Variants in ALG1 observed in about 807,000 individuals in gnomAD.
ALG1 encodes the protein ALG1 chitobiosyldiphosphodolichol beta-mannosyltransferase.
In ALG1, 58 loss-of-function variants were observed where a neutral mutation model predicts 55.1. The ratio of observed to expected loss-of-function variants is 1.05; its 90% CI spans 0.85 to 1.31. The LOEUF is 1.31. Among genes scored for constraint, ALG1 ranks in the 50% most tolerant of loss-of-function variants. The pLI is 0.00. For missense variants in ALG1, 761 were observed against 598.6 expected, an observed-to-expected ratio of 1.27 and a Z score of -2.83; for synonymous variants, 309 against 247.0, an observed-to-expected ratio of 1.25 and a Z score of -2.35.
At position 5,077,972 on chromosome 16, in the gene ALG1, G is replaced by T; in HGVS notation, c.695G>T (p.Arg232Leu). 6.2e-7 allele frequency: 1 copy of T among 1,603,586 alleles called. No individual in the cohort carries two copies. The change falls in exon 6 of 13, where the codon CGG (arginine) becomes CTG (leucine). Residue 232 changes from arginine (R) to leucine (L), a missense_variant. Transcript: ENST00000262374. ...GAGACACCTCTGGACCTGCAGCACC[G>T]GCTCTTCATGAAGCTGGGCAGCATG... ...FKETPLDLQH[R>L]LFMKLGSMHS... is the part of the protein sequence containing the mutation.
chr16:5,076,427 T>A (rs1385283558), intron 4 of ALG1, among the ~76,000 whole-genome samples: 2 of 152,226 alleles, frequency 1.3e-5, no homozygotes, highest in Non-Finnish European at 2.9e-5. Context: ...CTGTTCAATC[T>A]CTATGCACCT....
At chr16:5,080,670 G>T (rs1327081755) in intron 9 of ALG1, among the ~76,000 whole-genome samples, 2 of 152,192 alleles carry the variant, frequency 1.3e-5, no homozygotes, top group Non-Finnish European at 2.9e-5. Context: ...GTGGGCGGTC[G>T]GGTGCCAGGC....
chr16:5,082,173 G>C (rs1957027253), intron 10 of ALG1, among the ~76,000 whole-genome samples: 3 of 152,094 alleles, frequency 2.0e-5, no homozygotes, highest in African/African-American at 7.2e-5. Flanking sequence ...TTGAACTCCT[G>C]ACCTCAGGTG....
intron 9 of ALG1, among the ~76,000 whole-genome samples, chr16:5,080,018 A>C (rs1344069656): frequency 1.3e-5 from 2 of 150,494 alleles, no homozygotes; most frequent in African/African-American, 4.9e-5. Context: ...CAAGCTTTCT[A>C]CTTTTTCAGT....
intron 12 of ALG1, chr16:5,084,508 C>A: frequency 4.5e-6 from 3 of 663,218 alleles, no homozygotes; most frequent in Non-Finnish European, 7.8e-6. Flanking sequence ...ACGTAGAGGC[C>A]GGGAGGTGCT....
In ALG1 at chr16:5,073,013, C is replaced by T. The variant is rs1357171265; in HGVS notation, c.271C>T (p.Leu91Phe). The T allele has an allele frequency of 6.2e-7, 1 of 1,614,176 alleles. No homozygotes were observed. Among genetic ancestry groups the T allele is most frequent in the Non-Finnish European group, 8.5e-7 (1 of 1,180,022 alleles). ...AATTCAGATTGTGGGGTTGACAGAACTTCAGAGTCTTGCAGGTAGGATGCC... is the reference window on the plus strand; with the variant it reads ...AATTCAGATTGTGGGGTTGACAGAATTTCAGAGTCTTGCAGGTAGGATGCC... ...NRIQIVGLTE[L>F]QSLAVGPRVF... is the part of the protein sequence containing the mutation. The change falls in exon 2 of 13, where the codon CTT (leucine) becomes TTT (phenylalanine). Residue 91 changes from leucine to phenylalanine, a missense_variant. Physicochemically the swap from Leu to Phe is conservative, Grantham distance 22 (BLOSUM62 0). Coordinates refer to ENST00000262374, the MANE Select transcript of ALG1 (RefSeq NM_019109.5).
intron 10 of ALG1, 57 bp from the exon 11 acceptor site, chr16:5,082,502 G>C: frequency 1.3e-6 from 2 of 1,564,114 alleles, no homozygotes; most frequent in South Asian, 2.2e-5. Flanking sequence ...TGTGCTGGGA[G>C]GATTTGTGTT....
chr16:5,073,150 C>T lies in ALG1; in HGVS notation c.287-3C>T. 6.2e-7 allele frequency: 1 copy of T among 1,614,134 alleles called. No homozygotes were observed. Among genetic ancestry groups the T allele is most frequent in the Non-Finnish European group, 8.5e-7 (1 of 1,179,988 alleles). On this transcript the variant is annotated splice_region_variant and splice_polypyrimidine_tract_variant and intron_variant, in intron 2 of 12. Coordinates refer to ENST00000262374, the MANE Select transcript of ALG1 (RefSeq NM_019109.5). ...GTAGTCACAGGTGTTTTCTGACTTG[C>T]AGTTGGGCCCCGAGTTTTCCAGTAC...
chr16:5,078,403 A>G, intron 6 of ALG1: 2 of 583,946 alleles, frequency 3.4e-6, no homozygotes, highest in Non-Finnish European at 6.4e-6. Context: ...TCATGGGGCT[A>G]AGGAGGGGAC....
intron 5 of ALG1, 28 bp downstream of exon 5, chr16:5,077,562 T>A: frequency 6.2e-7 from 1 of 1,611,476 alleles, no homozygotes; most frequent in Non-Finnish European, 8.5e-7. Flanking sequence ...GACGGCGGCC[T>A]GGGAGAGGCG....
At chr16:5,074,455 C>T (rs1380772960) in intron 3 of ALG1, among the ~76,000 whole-genome samples, 1 of 152,172 alleles carries the variant, frequency 6.6e-6, no homozygotes, top group South Asian at 2.1e-4. Flanking sequence ...CCACACCTTC[C>T]TCTTTTAATA....
At chr16:5,084,452 G>A (rs1463875999) in intron 12 of ALG1, 7 of 558,342 alleles carry the variant, frequency 1.3e-5, no homozygotes, top group Middle Eastern at 4.9e-4. Flanking sequence ...GTGAGACTGC[G>A]TTGGCCAGAG....
intron 3 of ALG1, among the ~76,000 whole-genome samples, chr16:5,075,042 T>G (rs1956883826): frequency 6.6e-6 from 1 of 152,162 alleles, no homozygotes; most frequent in Non-Finnish European, 1.5e-5. Flanking sequence ...TAGCTGGGGC[T>G]GCAGGTGTGT....
Position 5,084,940 on chromosome 16 carries a change from T to C in ALG1, c.*59T>C, listed in dbSNP as rs701110. On this transcript the variant is annotated 3_prime_UTR_variant, in exon 13 of 13. Coordinates refer to ENST00000262374, the MANE Select transcript of ALG1 (RefSeq NM_019109.5). ...TGCTGTCCTTCCCGCAGCTTCTTCT[T>C]GGAGTCTCAGGGCAAACCCTTTCGA... 8 of 1,596,296 alleles carry C rather than the reference T, an allele frequency of 5.0e-6. No individual in the cohort carries two copies. The highest frequency in any genetic ancestry group is 2.7e-5 in the African/African-American group (2 of 74,958).
At chr16:5,081,906 C>T (rs1957023204) in intron 10 of ALG1, among the ~76,000 whole-genome samples, 1 of 152,022 alleles carries the variant, frequency 6.6e-6, no homozygotes, top group African/African-American at 2.4e-5. Context: ...TTTATTTTCA[C>T]AGTGACAGCT....
chr16:5,077,959 G>T lies in ALG1; in HGVS notation c.682G>T (p.Asp228Tyr), dbSNP rs145158686. The T allele has an allele frequency of 1.7e-4, 275 of 1,605,466 alleles. No individual in the cohort carries two copies. In the Middle Eastern group the frequency reaches 2.9e-3, roughly 17 times the overall value. The change falls in exon 6 of 13, where the codon GAC (aspartate) becomes TAC (tyrosine). Residue 228 changes from aspartate (D) to tyrosine (Y), a missense_variant. Coordinates refer to ENST00000262374, the MANE Select transcript of ALG1 (RefSeq NM_019109.5). The stretch of plus-strand genomic sequence containing the variant: ...ATCTTTCTTTAAAGAGACACCTCTG[G>T]ACCTGCAGCACCGGCTCTTCATGAA... ...PASFFKETPL[D>Y]LQHRLFMKLG...
At position 5,078,679 on chromosome 16, in the gene ALG1, C is replaced by G. The variant is rs980631380; in HGVS notation, c.741-78C>G. 39 of 1,611,118 alleles carry G rather than the reference C, an allele frequency of 2.4e-5. 1 individual carries two copies. The South Asian group carries it at 4.2e-4, about 17-fold the overall frequency. On this transcript the variant is annotated intron_variant, in intron 6 of 12. Coordinates refer to ENST00000262374, the MANE Select transcript of ALG1 (RefSeq NM_019109.5). ...CCAACCTCTGGGAGCCTGCAGGCCTCGCCACGGCAGGAGATGCCTCTCCTG... is the reference window on the plus strand; with the variant it reads ...CCAACCTCTGGGAGCCTGCAGGCCTGGCCACGGCAGGAGATGCCTCTCCTG...
At position 5,083,755 on chromosome 16, in the gene ALG1, C is replaced by T. The variant is rs1384983553; in HGVS notation, c.1261C>T (p.Gln421Ter). The T allele has an allele frequency of 1.3e-6, 2 of 1,597,198 alleles. No homozygotes were observed. The highest frequency in any genetic ancestry group is 4.5e-5 in the East Asian group (2 of 44,878). Reference protein sequence around the residue: ...EDSEELAAQLQMLFSNFPDPA... With the variant: ...EDSEELAAQL ...CTCAGAGGAACTGGCAGCTCAGCTG[C>T]AGGTAGCCACGTCTGCCACCACGCC... The change falls in exon 12 of 13, where the codon CAG (glutamine) becomes TAG (stop). Residue 421 changes from glutamine (Q) to a stop codon, truncating the protein, a stop_gained and splice_region_variant. Transcript: ENST00000262374. LOFTEE classifies it high-confidence loss of function.
chr16:5,074,208 C>T (rs776417637), intron 3 of ALG1, among the ~76,000 whole-genome samples: 20 of 150,666 alleles, frequency 1.3e-4, no homozygotes, highest in African/African-American at 3.7e-4. Flanking sequence ...TGCAGTGGTG[C>T]GATCTTGGCT....
Sources: allele counts gnomAD v4.1 joint callset (sites outside exome capture counted in the v4.1 genomes callset), GRCh38; gene constraint gnomAD v4.1.1; transcripts MANE v1.5; gene names NCBI Gene and HGNC (gene_info 2026-07-23, HGNC 2026-07-21).